Variants in LRRC4C observed in about 807,000 individuals in gnomAD.
LRRC4C encodes the protein leucine rich repeat containing 4C, also known as leucine-rich repeat-containing protein 4C.
A neutral mutation model predicts 33.6 loss-of-function variants in LRRC4C; 5 were observed. The ratio of observed to expected loss-of-function variants is 0.15; its 90% CI spans 0.08 to 0.31. The LOEUF is 0.31. LRRC4C is among the 10% of genes least tolerant of loss of function. LRRC4C has a pLI of 1.00. For missense variants in LRRC4C, 560 were observed against 796.7 expected (o/e 0.70, Z 3.58); for synonymous variants, 329 against 302.0 (o/e 1.09, Z -0.93).
Position 40,980,087 on chromosome 11 carries a change from C to T in LRRC4C, c.-495-46364G>A, listed in dbSNP as rs180674643. Among the ~76,000 whole-genome samples, 20 of 152,246 alleles carry T rather than the reference C, an allele frequency of 1.3e-4. No homozygotes were observed. The East Asian group carries it at 3.9e-3, about 29-fold the overall frequency. ...GTAGCTTTCCCAGACATAAATTTAGCTCACAAAGCCATTCATTCAAGCTAC... is the reference window on the plus strand; with the variant it reads ...GTAGCTTTCCCAGACATAAATTTAGTTCACAAAGCCATTCATTCAAGCTAC... On this transcript the variant is annotated intron_variant, in intron 1 of 6. Coordinates refer to ENST00000528697, the MANE Select transcript of LRRC4C (RefSeq NM_001258419.2).
At chr11:40,547,996 AG>A (rs1956992885) in intron 3 of LRRC4C, among the ~76,000 whole-genome samples, 1 of 152,118 alleles carries the variant, frequency 6.6e-6, no homozygotes, top group Non-Finnish European at 1.5e-5. Context: ...AGAATGAGTC[AG>A]GCAATAAACA....
chr11:40,745,214 T>A (rs1026181680), intron 2 of LRRC4C, among the ~76,000 whole-genome samples: 3 of 152,154 alleles, frequency 2.0e-5, no homozygotes. Flanking sequence ...CAGCCTACAC[T>A]TCCATCGGGA....
At chr11:40,176,011 C>T (rs1860452403) in intron 5 of LRRC4C, among the ~76,000 whole-genome samples, 2 of 151,954 alleles carry the variant, frequency 1.3e-5, no homozygotes, top group Admixed American at 1.3e-4. Context: ...GGAGATACTC[C>T]CATTTATAGC....
chr11:40,915,167 A>C (rs1221099196), intron 2 of LRRC4C, among the ~76,000 whole-genome samples: 1 of 152,108 alleles, frequency 6.6e-6, no homozygotes, highest in Non-Finnish European at 1.5e-5. Context: ...GCTACCAATG[A>C]CTTTCTTCAC....
intron 1 of LRRC4C, among the ~76,000 whole-genome samples, chr11:41,292,129 C>T (rs1339198236): frequency 2.6e-5 from 4 of 152,082 alleles, no homozygotes; most frequent in African/African-American, 7.2e-5. Flanking sequence ...TAGCTTGTCT[C>T]GCCTTTCATA....
At chr11:40,315,592 A>T (rs772092626) in intron 4 of LRRC4C, among the ~76,000 whole-genome samples, 1 of 151,982 alleles carries the variant, frequency 6.6e-6, no homozygotes, top group Non-Finnish European at 1.5e-5. Context: ...ATAGTGTTTC[A>T]TTATATCAAT....
At chr11:40,349,534 G>C (rs1332491185) in intron 3 of LRRC4C, among the ~76,000 whole-genome samples, 1 of 152,028 alleles carries the variant, frequency 6.6e-6, no homozygotes. Flanking sequence ...AATTAACATG[G>C]GAGTGCAGAT....
In LRRC4C at chr11:41,009,033, C is replaced by T. The variant is rs145027148; in HGVS notation, c.-495-75310G>A. Among the ~76,000 whole-genome samples the T allele has an allele frequency of 6.8e-3, 1,026 of 151,918 alleles. 9 individuals are homozygous for T. Among genetic ancestry groups the T allele is most frequent in the African/African-American group, 0.022 (931 of 41,456 alleles). ...ATTTAAAAATTTATATGAAAGATAA[C>T]GCCAACTTTTAAAGACATTGAAAGA... On this transcript the variant is annotated intron_variant, in intron 1 of 6. Transcript: ENST00000528697.
chr11:40,250,413 C>T (rs1014869264), intron 4 of LRRC4C, among the ~76,000 whole-genome samples: 4 of 152,040 alleles, frequency 2.6e-5, no homozygotes, highest in Non-Finnish European at 5.9e-5. Flanking sequence ...GGGCAGCAGT[C>T]CTCAAACTTT....
At chr11:40,382,147 T>C (rs1217468465) in intron 3 of LRRC4C, among the ~76,000 whole-genome samples, 1 of 106,554 alleles carries the variant, frequency 9.4e-6, no homozygotes, top group East Asian at 3.0e-4. Context: ...TTTTTTTTTT[T>C]TTTTTTTTGT....
chr11:40,245,791 G>A (rs1310511076), intron 4 of LRRC4C, among the ~76,000 whole-genome samples: 1 of 151,914 alleles, frequency 6.6e-6, no homozygotes, highest in Non-Finnish European at 1.5e-5. Context: ...TAAATAAAAT[G>A]CTACCACTAG....
In LRRC4C at chr11:40,318,511, C is replaced by T. The variant is rs1590299182; in HGVS notation, c.-176+1117G>A. ...TTCTACAGATACTTGGCTTGGTTCACAGTCTTGCACCAAGCCCATTATTTT... is the reference window on the plus strand; with the variant it reads ...TTCTACAGATACTTGGCTTGGTTCATAGTCTTGCACCAAGCCCATTATTTT... On this transcript the variant is annotated intron_variant, in intron 4 of 6. Coordinates refer to ENST00000528697, the MANE Select transcript of LRRC4C (RefSeq NM_001258419.2). Among the ~76,000 whole-genome samples, 3 of 152,286 alleles carry T rather than the reference C, an allele frequency of 2.0e-5. No individual in the cohort carries two copies. In the South Asian group the frequency reaches 6.2e-4, roughly 32 times the overall value.
At chr11:40,225,399 C>T (rs1864714032) in intron 5 of LRRC4C, among the ~76,000 whole-genome samples, 1 of 152,162 alleles carries the variant, frequency 6.6e-6, no homozygotes, top group Non-Finnish European at 1.5e-5. Flanking sequence ...GTTCTATTGT[C>T]CTCATTTGGT....
chr11:40,266,898 A>C (rs1368002446), intron 4 of LRRC4C, among the ~76,000 whole-genome samples: 1 of 152,136 alleles, frequency 6.6e-6, no homozygotes, highest in Admixed American at 6.5e-5. Context: ...CACTTCCAGA[A>C]GTTTGGATTT....
intron 2 of LRRC4C, among the ~76,000 whole-genome samples, chr11:40,690,273 C>G (rs186875730): frequency 1.6e-4 from 25 of 152,124 alleles, no homozygotes; most frequent in Admixed American, 1.0e-3. Flanking sequence ...ACTAGAATCT[C>G]CATTTTACAA....
intron 1 of LRRC4C, among the ~76,000 whole-genome samples, chr11:41,048,838 T>C (rs1857992088): frequency 6.6e-6 from 1 of 152,170 alleles, no homozygotes; most frequent in African/African-American, 2.4e-5. Context: ...CCAATGGGCA[T>C]GGACTCTGCT....
At chr11:40,728,916 G>A (rs1947423342) in intron 2 of LRRC4C, among the ~76,000 whole-genome samples, 1 of 141,616 alleles carries the variant, frequency 7.1e-6, no homozygotes, top group Admixed American at 7.3e-5. Flanking sequence ...CTAAACATGG[G>A]AGCTAATTCT....
rs1402941814 is a variant in LRRC4C at position 41,305,920 on chromosome 11, A to T, written c.-496+153511T>A. On this transcript the variant is annotated intron_variant, in intron 1 of 6. Coordinates refer to ENST00000528697, the MANE Select transcript of LRRC4C (RefSeq NM_001258419.2). ...ATCAATAAAAAAATAAATTAAAAAA[A>T]AATAATAAAATAAAATAAATAAATA... Among the ~76,000 whole-genome samples, 352 of 59,910 alleles carry T rather than the reference A, an allele frequency of 5.9e-3. 3 individuals carry two copies. The highest frequency in any genetic ancestry group is 0.011 in the African/African-American group (315 of 29,576). The allele number at this position is 59,910 out of a possible 152,430, so 39.3% of individuals were successfully genotyped here.
At chr11:40,984,522 A>G (rs1852848130) in intron 1 of LRRC4C, among the ~76,000 whole-genome samples, 1 of 152,158 alleles carries the variant, frequency 6.6e-6, no homozygotes, top group Non-Finnish European at 1.5e-5. Flanking sequence ...AGCAAATGCA[A>G]TGGTCCTGTA....
Sources: gnomAD v4.1 joint callset for allele counts (sites outside exome capture counted in the v4.1 genomes callset) on GRCh38, gnomAD v4.1.1 for gene constraint, MANE v1.5 for transcripts, NCBI Gene and HGNC (gene_info 2026-07-23, HGNC 2026-07-21) for gene names.